PCGF5: variants seen among roughly 807,000 people sequenced by gnomAD.
PCGF5 encodes the protein polycomb group RING finger protein 5.
PCGF5 carries 9 observed loss-of-function variants against 44.3 expected under a neutral mutation model. The ratio of observed to expected loss-of-function variants is 0.20; its 90% CI spans 0.12 to 0.35. PCGF5 has a LOEUF of 0.35. Ranked by LOEUF, PCGF5 falls within the 10% of genes least tolerant of loss-of-function variation. PCGF5 has a pLI of 1.00. For synonymous variants in PCGF5, 95 were observed against 102.5 expected (o/e 0.93, Z 0.44); for missense variants, 146 against 305.3 (o/e 0.48, Z 3.89).
chr10:91,227,783 C>T (rs1280124174), intron 2 of PCGF5: 18 of 992,574 alleles, frequency 1.8e-5, no homozygotes, highest in Non-Finnish European at 2.0e-5. Flanking sequence ...AACACTCACA[C>T]ATACAAATAC....
At chr10:91,258,059 T>G (rs540013828) in intron 6 of PCGF5, among the ~76,000 whole-genome samples, 1 of 152,188 alleles carries the variant, frequency 6.6e-6, no homozygotes, top group African/African-American at 2.4e-5. Context: ...AAAGGTCACA[T>G]ATTATGTGAT....
rs1589377251 is a variant in PCGF5 at position 91,222,893 on chromosome 10, T to G, written c.22T>G (p.Leu8Val). ...ACGAATGGCTACCCAAAGGAAACAC[T>G]TGGTGAAAGATTTTAATCCTTACAT... MATQRKH[L>V]VKDFNPYITC... Residue 8 changes from leucine to valine, a missense_variant, in exon 2 of 10, where the codon TTG becomes GTG. Leu to Val is a conservative substitution (Grantham distance 32). Around this residue, in one of 3 missense-constraint regions of PCGF5, gnomAD observed 123 missense variants for 268.6 expected, o/e 0.46. Transcript: ENST00000336126. 6.2e-7 allele frequency: 1 copy of G among 1,612,832 alleles called. No homozygotes were observed. The highest frequency in any genetic ancestry group is 1.3e-5 in the African/African-American group (1 of 75,014).
chr10:91,196,738 A>G (rs1692089703), intron 1 of PCGF5, among the ~76,000 whole-genome samples: 1 of 152,212 alleles, frequency 6.6e-6, no homozygotes, highest in Non-Finnish European at 1.5e-5. Flanking sequence ...CAGCTTGACA[A>G]TAGTATCCCC....
intron 2 of PCGF5, among the ~76,000 whole-genome samples, chr10:91,235,276 A>G (rs1454044651): frequency 3.3e-5 from 5 of 152,210 alleles, no homozygotes; most frequent in African/African-American, 1.2e-4. Flanking sequence ...GCCCATTTAA[A>G]TTTTAGAACC....
intron 1 of PCGF5, among the ~76,000 whole-genome samples, chr10:91,182,472 T>A (rs1589355020): frequency 1.3e-5 from 2 of 152,080 alleles, no homozygotes; most frequent in African/African-American, 2.4e-5. Context: ...TGTCTATATA[T>A]TTTATTATTT....
intron 8 of PCGF5, among the ~76,000 whole-genome samples, chr10:91,268,088 G>A (rs200575636): frequency 3.3e-5 from 5 of 152,180 alleles, no homozygotes; most frequent in Middle Eastern, 3.4e-3. Context: ...ATGTCTGTGC[G>A]TATGTGTGTA....
chr10:91,201,018 G>A (rs1269126192), intron 1 of PCGF5, among the ~76,000 whole-genome samples: 1 of 152,128 alleles, frequency 6.6e-6, no homozygotes, highest in Non-Finnish European at 1.5e-5. Flanking sequence ...AAAATAGTGT[G>A]AAGTGGAACT....
chr10:91,235,034 G>A (rs569253158), intron 2 of PCGF5, among the ~76,000 whole-genome samples: 12 of 152,190 alleles, frequency 7.9e-5, no homozygotes, highest in Non-Finnish European at 1.2e-4. Flanking sequence ...TGGTTTAGCA[G>A]AGAGCCAAAT....
At chr10:91,262,270 A>G (rs1296099696) in intron 7 of PCGF5, among the ~76,000 whole-genome samples, 1 of 152,074 alleles carries the variant, frequency 6.6e-6, no homozygotes, top group Non-Finnish European at 1.5e-5. Context: ...TTCTAAAAAT[A>G]TAAAAATTAG....
chr10:91,224,364 A>G (rs976669011), intron 2 of PCGF5, among the ~76,000 whole-genome samples: 10 of 152,176 alleles, frequency 6.6e-5, no homozygotes, highest in African/African-American at 2.4e-4. Context: ...CAGTTAATTA[A>G]CTATCATCGA....
intron 1 of PCGF5, among the ~76,000 whole-genome samples, chr10:91,163,545 C>G (rs1324301383): frequency 6.6e-6 from 1 of 152,068 alleles, no homozygotes; most frequent in African/African-American, 2.4e-5. Context: ...CGACCTGAGT[C>G]GGCGCTCGGG....
chr10:91,250,209 T>C (rs1845590728), intron 5 of PCGF5, among the ~76,000 whole-genome samples: 1 of 152,004 alleles, frequency 6.6e-6, no homozygotes, highest in African/African-American at 2.4e-5. Flanking sequence ...ATATTCTCTA[T>C]AAATAAGGAG....
At chr10:91,241,256 A>G (rs1845317322) in intron 3 of PCGF5, among the ~76,000 whole-genome samples, 1 of 151,812 alleles carries the variant, frequency 6.6e-6, no homozygotes, top group Non-Finnish European at 1.5e-5. Context: ...TTTAGTAGAG[A>G]CAGGGTTTCT....
chr10:91,163,163 G>C (rs930113202), intron 1 of PCGF5: 12 of 150,112 alleles, frequency 8.0e-5, no homozygotes, highest in African/African-American at 2.9e-4. Flanking sequence ...GTTTTCCGCG[G>C]GGCCGGGGGG....
intron 3 of PCGF5, among the ~76,000 whole-genome samples, chr10:91,243,916 A>G (rs1294509656): frequency 6.6e-6 from 1 of 152,192 alleles, no homozygotes; most frequent in Non-Finnish European, 1.5e-5. Flanking sequence ...ACTTATATAG[A>G]CAATAGAAGG....
At chr10:91,261,459 A>G (rs948903254) in intron 7 of PCGF5, 35 bp downstream of exon 7, 15 of 1,388,258 alleles carry the variant, frequency 1.1e-5, no homozygotes, top group South Asian at 2.0e-5. Context: ...GATCATTTTG[A>G]TAATTCTGAT....
chr10:91,168,912 T>C (rs1282904773), intron 1 of PCGF5, among the ~76,000 whole-genome samples: 1 of 114,186 alleles, frequency 8.8e-6, no homozygotes, highest in Admixed American at 1.3e-4. Flanking sequence ...TGGGCGACAG[T>C]GTGAGACTCC....
chr10:91,263,046 C>T (rs971032546), intron 7 of PCGF5, among the ~76,000 whole-genome samples: 1 of 152,162 alleles, frequency 6.6e-6, no homozygotes, highest in South Asian at 2.1e-4. Flanking sequence ...AGATTCAGTA[C>T]GCTGACACCT....
rs187899738 is a variant in PCGF5, at chr10:91,176,377, C to T, written c.-184+13296C>T. On this transcript the variant is annotated intron_variant, in intron 1 of 9. Transcript: ENST00000614189. ...TTCATTTCAAGTTTGGTGAATCTGA[C>T]AATTATGTGTCTTGGAGTTGCTCTT... 9.4e-3 allele frequency among the ~76,000 whole-genome samples: 1,432 copies of T among 152,274 alleles called. 23 individuals carry two copies. Among genetic ancestry groups the T allele is most frequent in the African/African-American group, 0.033 (1,354 of 41,560 alleles).
Sources: allele counts gnomAD v4.1 joint callset (sites outside exome capture counted in the v4.1 genomes callset), GRCh38; gene constraint gnomAD v4.1.1; regional missense constraint gnomAD v4.1.1; transcripts MANE v1.5; gene names NCBI Gene and HGNC (gene_info 2026-07-23, HGNC 2026-07-21).